The following UBA3 variants were observed in gnomAD, a reference collection of about 807,000 sequenced individuals.
UBA3 encodes NEDD8-activating enzyme E1 catalytic subunit.
A neutral mutation model predicts 73.5 loss-of-function variants in UBA3; 26 were observed. The ratio of observed to expected loss-of-function variants is 0.35; its 90% CI spans 0.26 to 0.49. UBA3 has a LOEUF of 0.49. Among genes scored for constraint, UBA3 ranks in the 20% least tolerant of loss-of-function variants. The pLI is 0.98. For missense variants in UBA3, 495 were observed against 555.6 expected (o/e 0.89, Z 1.10); for synonymous variants, 217 against 191.2 (o/e 1.13, Z -1.11).
At chr3:69,055,665 T>C (rs2091966585) in intron 17 of UBA3, 140 bp from the exon 18 acceptor site, 1 of 888,208 alleles carries the variant, frequency 1.1e-6, no homozygotes. Flanking sequence ...ATATTTGATT[T>C]CTTAGAGATT....
chr3:69,078,767 C>G (rs1032979042), intron 2 of UBA3, among the ~76,000 whole-genome samples: 1 of 152,192 alleles, frequency 6.6e-6, no homozygotes, highest in African/African-American at 2.4e-5. Flanking sequence ...GCCACCGAAC[C>G]TGGCAGAGGT....
chr3:69,061,947 GA>G lies in UBA3; in HGVS notation c.797-21del. The G allele has an allele frequency of 1.5e-5, 17 of 1,136,798 alleles. No individual in the cohort carries two copies. Among genetic ancestry groups the G allele is most frequent in the South Asian group, 5.2e-5 (3 of 58,038 alleles). 70.4% of individuals were successfully genotyped at this position (1,136,798 alleles called of 1,614,324 possible). A position where few individuals can be genotyped will look rare whatever the true frequency, so the allele number is the denominator to read the frequency against. On this transcript the variant is annotated intron_variant, in intron 10 of 17. Coordinates refer to ENST00000361055, the MANE Select transcript of UBA3 (RefSeq NM_003968.4). The stretch of plus-strand genomic sequence containing the variant: ...CCCCTTCTGTTTAAAAAAAAAAAGG[GA>G]GAGAGAGAGAGAGAGAAGACAGGAA...
At position 69,062,195 on chromosome 3, in the gene UBA3, G is replaced by A. The variant is rs761601561; in HGVS notation, c.694-16C>T. On this transcript the variant is annotated splice_polypyrimidine_tract_variant and intron_variant, in intron 9 of 17. Coordinates refer to ENST00000361055, the MANE Select transcript of UBA3 (RefSeq NM_003968.4). Reference sequence around the variant, plus strand: ...GAAAATTAACCTAAAACCACAGTTTGTCCTTTTCAGTGAATTTTAAACGAA... The same window carrying A: ...GAAAATTAACCTAAAACCACAGTTTATCCTTTTCAGTGAATTTTAAACGAA... The A allele has an allele frequency of 6.7e-7, 1 of 1,502,896 alleles. No homozygotes were observed. The highest frequency in any genetic ancestry group is 1.4e-5 in the African/African-American group (1 of 72,228). The allele number at this position is 1,502,896 out of a possible 1,614,324, so 93.1% of individuals were successfully genotyped here.
At chr3:69,061,612 TG>T in intron 11 of UBA3, 1 of 449,036 alleles carries the variant, frequency 2.2e-6, no homozygotes, top group Non-Finnish European at 4.0e-6. Flanking sequence ...CAGTTTGACT[TG>T]GATGACTTAT....
At position 69,057,308 on chromosome 3, in the gene UBA3, C is replaced by T. The variant is rs372197097; in HGVS notation, c.912G>A (p.Gly304=). The stretch of plus-strand genomic sequence containing the variant: ...CTGCAGGAATGATTCTTTTTACTAC[C>T]CCTGAAAAAACATATCAATTAAAAT... ...IRGVTYRLTQ[G]VVKRIIPAVA... The change falls in exon 12 of 18, where the codon GGG becomes GGA. Residue 304 remains glycine, a splice_region_variant and synonymous_variant. Coordinates refer to ENST00000361055, the MANE Select transcript of UBA3 (RefSeq NM_003968.4). 1.2e-6 allele frequency: 2 copies of T among 1,607,588 alleles called. No individual in the cohort carries two copies. The highest frequency in any genetic ancestry group is 1.7e-5 in the Admixed American group (1 of 58,832).
Position 69,080,337 on chromosome 3 carries a change from T to C in UBA3, c.17A>G (p.Glu6Gly), listed in dbSNP as rs1269180840. 5.6e-6 allele frequency: 9 copies of C among 1,597,668 alleles called. No homozygotes were observed. The highest frequency in any genetic ancestry group is 7.7e-6 in the Non-Finnish European group (9 of 1,174,482). Residue 6 changes from glutamate to glycine, a missense_variant, in exon 1 of 18, where the codon GAG becomes GGG. Physicochemically the swap from Glu to Gly is moderately conservative, Grantham distance 98. Coordinates refer to ENST00000361055, the MANE Select transcript of UBA3 (RefSeq NM_003968.4). The part of the protein sequence containing the change: MADGE[E>G]PEKKRRRIEE... ...TCTGCAGAGCCCCGGTACTTACGGCTCCTCGCCATCCGCCATATTGTTCTC... is the reference window on the plus strand; with the variant it reads ...TCTGCAGAGCCCCGGTACTTACGGCCCCTCGCCATCCGCCATATTGTTCTC...
At chr3:69,074,557 C>A (rs1014330327) in intron 4 of UBA3, among the ~76,000 whole-genome samples, 2 of 152,136 alleles carry the variant, frequency 1.3e-5, no homozygotes, top group African/African-American at 4.8e-5. Context: ...TAAACTTTAA[C>A]CCCCTTGGCC....
intron 4 of UBA3, among the ~76,000 whole-genome samples, chr3:69,074,004 C>G (rs1423626713): frequency 6.6e-6 from 1 of 151,978 alleles, no homozygotes; most frequent in African/African-American, 2.4e-5. Flanking sequence ...ATTAAATAAG[C>G]AAAACAAGGA....
chr3:69,057,924 CTTTTTT>C (rs368333207), intron 11 of UBA3, among the ~76,000 whole-genome samples: 5 of 115,476 alleles, frequency 4.3e-5, no homozygotes, highest in South Asian at 5.4e-4. Context: ...CCACATTTTT[CTTTTTT>C]TTTTTTTTTT....
At chr3:69,068,158 T>A in intron 5 of UBA3, 150 bp from the exon 6 acceptor site, 1 of 530,142 alleles carries the variant, frequency 1.9e-6, no homozygotes, top group Non-Finnish European at 3.2e-6. Flanking sequence ...ATTTCAGTAA[T>A]AACTTTTGGT....
rs911680191 is a variant in UBA3, at chr3:69,055,236, T to C, written c.*201A>G. ...CTCTCTCTCCAGGTATCATTTCTCATATTATTAATGAAAATGCTTACAAGC... is the reference window on the plus strand; with the variant it reads ...CTCTCTCTCCAGGTATCATTTCTCACATTATTAATGAAAATGCTTACAAGC... On this transcript the variant is annotated 3_prime_UTR_variant, in exon 18 of 18. Coordinates refer to ENST00000361055, the MANE Select transcript of UBA3 (RefSeq NM_003968.4). 7 of 377,490 alleles carry C rather than the reference T, an allele frequency of 1.9e-5. No individual in the cohort carries two copies. The highest frequency in any genetic ancestry group is 6.3e-5 in the African/African-American group (3 of 47,364). The allele number at this position is 377,490 out of a possible 1,614,324, so 23.4% of individuals were successfully genotyped here. A position where few individuals can be genotyped will look rare whatever the true frequency, so the allele number is the denominator to read the frequency against.
In UBA3 at chr3:69,055,364, G is replaced by A; in HGVS notation, c.*73C>T. On this transcript the variant is annotated 3_prime_UTR_variant, in exon 18 of 18. Coordinates refer to ENST00000361055, the MANE Select transcript of UBA3 (RefSeq NM_003968.4). Reference sequence around the variant, plus strand: ...TCGTGGCAACACTATTGCTAAAAATGACATCGATTCAACTTCTTAGCATCC... The same window carrying A: ...TCGTGGCAACACTATTGCTAAAAATAACATCGATTCAACTTCTTAGCATCC... The A allele has an allele frequency of 7.2e-6, 7 of 974,358 alleles. No homozygotes were observed. Among genetic ancestry groups the A allele is most frequent in the Non-Finnish European group, 1.0e-5 (7 of 688,164 alleles). The allele number at this position is 974,358 out of a possible 1,614,324, so 60.4% of individuals were successfully genotyped here. A position where few individuals can be genotyped will look rare whatever the true frequency, so the allele number is the denominator to read the frequency against.
intron 11 of UBA3, among the ~76,000 whole-genome samples, chr3:69,060,453 C>T (rs1221556380): frequency 1.3e-5 from 2 of 152,186 alleles, no homozygotes; most frequent in African/African-American, 4.8e-5. Flanking sequence ...TAAATACCTG[C>T]TCTCCTTTAA....
intron 3 of UBA3, chr3:69,077,305 TAAA>T (rs953745314): frequency 6.6e-6 from 1 of 151,712 alleles, no homozygotes; most frequent in Non-Finnish European, 1.5e-5. Context: ...TACCCTGTAA[TAAA>T]AAAAAGTGAC....
At chr3:69,056,107 C>T (rs761414029) in intron 15 of UBA3, 44 bp from the exon 16 acceptor site, 2 of 1,559,858 alleles carry the variant, frequency 1.3e-6, no homozygotes, top group Non-Finnish European at 1.7e-6. Context: ...TAATTTTTAT[C>T]AAAAGATAAT....
intron 11 of UBA3, among the ~76,000 whole-genome samples, chr3:69,059,184 G>C (rs1418139433): frequency 1.3e-5 from 2 of 152,144 alleles, no homozygotes; most frequent in Non-Finnish European, 2.9e-5. Context: ...AAGAAAATGA[G>C]GTATGTGTTA....
chr3:69,055,576 GGAT>G, intron 17 of UBA3, 51 bp from the exon 18 acceptor site: 2 of 1,366,486 alleles, frequency 1.5e-6, no homozygotes, highest in Non-Finnish European at 2.0e-6. Flanking sequence ...TCAACAGAAA[GGAT>G]AATACACATG....
Position 69,080,361 on chromosome 3 carries a change from T to C in UBA3, c.-8A>G. The C allele has an allele frequency of 1.3e-6, 2 of 1,596,886 alleles. No individual in the cohort carries two copies. Among genetic ancestry groups the C allele is most frequent in the South Asian group, 1.1e-5 (1 of 88,552 alleles). On this transcript the variant is annotated 5_prime_UTR_variant, in exon 1 of 18. Transcript: ENST00000361055. ...CTCCTCGCCATCCGCCATATTGTTC[T>C]CCGCCTCTTCCCAGGTGCCCACGCG... is the stretch of plus-strand genomic sequence containing the variant.
chr3:69,068,130 T>G, intron 5 of UBA3, 122 bp from the exon 6 acceptor site: 1 of 655,804 alleles, frequency 1.5e-6, no homozygotes, highest in South Asian at 3.2e-5. Context: ...GAAGGAATAT[T>G]TTTGCCTAAG....
Sources: allele counts gnomAD v4.1 joint callset (sites outside exome capture counted in the v4.1 genomes callset), GRCh38; gene constraint gnomAD v4.1.1; transcripts MANE v1.5; gene names NCBI Gene and HGNC (gene_info 2026-07-23, HGNC 2026-07-21).